The following SSH1 variants were observed in gnomAD, a reference collection of about 807,000 sequenced individuals.
SSH1 encodes protein phosphatase Slingshot homolog 1.
SSH1 carries 43 observed loss-of-function variants against 79.7 expected under a neutral mutation model. The ratio of observed to expected loss-of-function variants is 0.54; its 90% CI spans 0.42 to 0.70. SSH1 has a LOEUF of 0.70. SSH1 is among the 30% of genes least tolerant of loss of function. SSH1 has a pLI of 0.00. For missense variants in SSH1, 1,206 were observed against 1,358.8 expected, an observed-to-expected ratio of 0.89 and a Z score of 1.77; for synonymous variants, 599 against 538.3, an observed-to-expected ratio of 1.11 and a Z score of -1.56.
At chr12:108,796,278 C>A (rs1330818054) in intron 13 of SSH1, among the ~76,000 whole-genome samples, 1 of 152,184 alleles carries the variant, frequency 6.6e-6, no homozygotes, top group African/African-American at 2.4e-5. Context: ...CCATCACCAC[C>A]AACCAGAGAG....
At chr12:108,838,652 C>T (rs2038700713) in intron 2 of SSH1, among the ~76,000 whole-genome samples, 1 of 152,214 alleles carries the variant, frequency 6.6e-6, no homozygotes, top group African/African-American at 2.4e-5. Flanking sequence ...CACAAATACC[C>T]AGGGTAATTG....
At chr12:108,834,722 A>G (rs1016202249) in intron 2 of SSH1, among the ~76,000 whole-genome samples, 1 of 152,138 alleles carries the variant, frequency 6.6e-6, no homozygotes, top group African/African-American at 2.4e-5. Context: ...TGACCCACTT[A>G]TTTACTAACT....
At chr12:108,809,660 T>C (rs2037475334) in intron 7 of SSH1, 33 bp downstream of exon 7, 4 of 1,575,590 alleles carry the variant, frequency 2.5e-6, no homozygotes, top group Non-Finnish European at 3.5e-6. Context: ...AAAATATTTC[T>C]AGGGAGTTAA....
intron 3 of SSH1, among the ~76,000 whole-genome samples, chr12:108,819,595 G>A (rs184379064): frequency 3.9e-5 from 6 of 152,222 alleles, no homozygotes; most frequent in African/African-American, 7.2e-5. Context: ...TTGGGAGGCC[G>A]AGGCAGGAGA....
intron 5 of SSH1, 65 bp from the exon 6 acceptor site, chr12:108,811,393 G>C: frequency 6.8e-7 from 1 of 1,480,906 alleles, no homozygotes; most frequent in South Asian, 1.1e-5. Flanking sequence ...AGCCTTTCCA[G>C]CTCACCACCT....
At position 108,778,527 on chromosome 12, in the gene SSH1, T is replaced by G. The variant is rs902246645; in HGVS notation, c.*9461A>C. On this transcript the variant is annotated 3_prime_UTR_variant, in exon 15 of 15. Coordinates refer to ENST00000326495, the MANE Select transcript of SSH1 (RefSeq NM_018984.4). ...TTCCTCTGTAAAACAGAATCATATC[T>G]GCGGTGAGGATTAACTTGGTAATAC... The G allele has an allele frequency of 6.6e-6, 1 of 152,184 alleles. No homozygotes were observed. Among genetic ancestry groups the G allele is most frequent in the African/African-American group, 2.4e-5 (1 of 41,442 alleles). The allele number at this position is 152,184 out of a possible 1,614,324, so 9.4% of individuals were successfully genotyped here.
At position 108,850,790 on chromosome 12, in the gene SSH1, G is replaced by A. The variant is rs1273028983; in HGVS notation, c.110+1848C>T. 1.3e-4 allele frequency among the ~76,000 whole-genome samples: 18 copies of A among 140,718 alleles called. No individual in the cohort carries two copies. The East Asian group carries it at 3.7e-3, about 29-fold the overall frequency. 92.3% of individuals were successfully genotyped at this position (140,718 alleles called of 152,430 possible). On this transcript the variant is annotated intron_variant, in intron 2 of 14. Coordinates refer to ENST00000326495, the MANE Select transcript of SSH1 (RefSeq NM_018984.4). ...GAGGGGAACCTGGAGGGAGGGATCT[G>A]GGGAAGGGGATTTTGGGGAGGAGAA...
intron 13 of SSH1, among the ~76,000 whole-genome samples, chr12:108,795,971 G>A (rs146956212): frequency 2.0e-5 from 3 of 152,108 alleles, no homozygotes; most frequent in Non-Finnish European, 2.9e-5. Flanking sequence ...GCAGTGATGC[G>A]ATCATGGCTC....
rs138659196 is a variant in SSH1 at position 108,830,575 on chromosome 12, G to A, written c.111-7214C>T. Among the ~76,000 whole-genome samples the A allele has an allele frequency of 1.3e-3, 203 of 152,224 alleles. 2 individuals carry two copies. Among genetic ancestry groups the A allele is most frequent in the African/African-American group, 4.6e-3 (193 of 41,524 alleles). On this transcript the variant is annotated intron_variant, in intron 2 of 14. Coordinates refer to ENST00000326495, the MANE Select transcript of SSH1 (RefSeq NM_018984.4). ...ACGTCGATGTTTTCTGCTGGTAAAA[G>A]GTAACACCAACAAAAAGGCATGGTG...
intron 6 of SSH1, 109 bp downstream of exon 6, chr12:108,811,151 G>A (rs535112726): frequency 9.3e-5 from 94 of 1,013,014 alleles, no homozygotes; most frequent in Admixed American, 1.0e-4. Flanking sequence ...TGACACTCCC[G>A]CCACACGTGT....
chr12:108,823,008 GA>G (rs2038180899), intron 3 of SSH1, among the ~76,000 whole-genome samples: 1 of 152,222 alleles, frequency 6.6e-6, no homozygotes, highest in Non-Finnish European at 1.5e-5. Context: ...CTACAGAGAG[GA>G]AATCTTTGCA....
Position 108,779,821 on chromosome 12 carries a change from C to T in SSH1, c.*8167G>A, listed in dbSNP as rs2036130259. The stretch of plus-strand genomic sequence containing the variant: ...TCCCGAGTAGCTGGGATTACAGGCG[C>T]CCGCCATCATGCCCGGCTAATTTTT... On this transcript the variant is annotated 3_prime_UTR_variant, in exon 15 of 15. Coordinates refer to ENST00000326495, the MANE Select transcript of SSH1 (RefSeq NM_018984.4). 6.6e-6 allele frequency: 1 copy of T among 152,116 alleles called. No homozygotes were observed. The highest frequency in any genetic ancestry group is 2.4e-5 in the African/African-American group (1 of 41,412). 9.4% of individuals were successfully genotyped at this position (152,116 alleles called of 1,614,324 possible).
At chr12:108,794,373 CAG>C (rs2036651519) in intron 13 of SSH1, among the ~76,000 whole-genome samples, 2 of 152,328 alleles carry the variant, frequency 1.3e-5, no homozygotes, top group African/African-American at 4.8e-5. Context: ...CACCCTGACT[CAG>C]AGGCTGAGTG....
chr12:108,793,189 A>G (rs1384662250), intron 13 of SSH1, among the ~76,000 whole-genome samples: 1 of 152,226 alleles, frequency 6.6e-6, no homozygotes, highest in Non-Finnish European at 1.5e-5. Context: ...TCAAATAAGA[A>G]TAACAACGCT....
chr12:108,848,243 A>G (rs1384929041), intron 2 of SSH1, among the ~76,000 whole-genome samples: 1 of 152,174 alleles, frequency 6.6e-6, no homozygotes, highest in Admixed American at 6.5e-5. Flanking sequence ...AGGCGCCACC[A>G]GGGAACTTGA....
intron 5 of SSH1, among the ~76,000 whole-genome samples, chr12:108,815,298 T>A (rs1034688254): frequency 6.6e-6 from 1 of 152,124 alleles, no homozygotes; most frequent in African/African-American, 2.4e-5. Flanking sequence ...CCCAGGGGGA[T>A]GAAGGGGTTA....
chr12:108,825,916 C>G (rs2038292587), intron 2 of SSH1, among the ~76,000 whole-genome samples: 2 of 152,150 alleles, frequency 1.3e-5, no homozygotes, highest in African/African-American at 2.4e-5. Flanking sequence ...AGTATGTTTT[C>G]AGAACTGTTC....
chr12:108,846,589 C>G (rs527759373), intron 2 of SSH1, among the ~76,000 whole-genome samples: 22 of 152,246 alleles, frequency 1.4e-4, no homozygotes, highest in Admixed American at 2.6e-4. Flanking sequence ...CATCTGCATG[C>G]TGGGTGTGAG....
chr12:108,835,864 T>C (rs1379018756), intron 2 of SSH1, among the ~76,000 whole-genome samples: 4 of 139,244 alleles, frequency 2.9e-5, no homozygotes, highest in Non-Finnish European at 6.3e-5. Flanking sequence ...ATATATAGCA[T>C]ATATACATAT....
Sources: allele counts gnomAD v4.1 joint callset (sites outside exome capture counted in the v4.1 genomes callset), GRCh38; gene constraint gnomAD v4.1.1; transcripts MANE v1.5; gene names NCBI Gene and HGNC (gene_info 2026-07-23, HGNC 2026-07-21).